The following KPNA3 variants were observed in gnomAD, a reference collection of about 807,000 sequenced individuals.
The protein encoded by KPNA3 is karyopherin subunit alpha 3, also known as importin subunit alpha-4.
In KPNA3, 13 loss-of-function variants were observed where a neutral mutation model predicts 73.8. That is an observed-to-expected ratio of 0.18 (90% CI 0.11 to 0.28). The LOEUF (loss-of-function observed/expected upper bound fraction) is 0.28. Among genes scored for constraint, KPNA3 ranks in the 10% least tolerant of loss-of-function variants. The probability of loss-of-function intolerance (pLI) is 1.00; values close to 1 mark genes in which losing one functional copy is unlikely to be tolerated. For missense variants in KPNA3, 360 were observed against 618.1 expected, an observed-to-expected ratio of 0.58 and a Z score of 4.43; for synonymous variants, 186 against 206.9, an observed-to-expected ratio of 0.90 and a Z score of 0.87.
At position 49,792,541 on chromosome 13, in the gene KPNA3, G is replaced by GGTT. The variant is rs768652149; in HGVS notation, c.-36_-35insAAC. The GGTT allele has an allele frequency of 1.5e-5, 23 of 1,512,390 alleles. No homozygotes were observed. In the East Asian group the frequency reaches 6.2e-4, roughly 41 times the overall value. The allele number at this position is 1,512,390 out of a possible 1,614,324, so 93.7% of individuals were successfully genotyped here. On this transcript the variant is annotated 5_prime_UTR_variant, in exon 1 of 17. Coordinates refer to ENST00000261667, the MANE Select transcript of KPNA3 (RefSeq NM_002267.4). ...CGGCTCCGGCGGCGGCTACTCCTGC[G>GGTT]GCTGCGGCGGCGGCGGCGGCGAATC...
rs753868502 is a variant in KPNA3, at chr13:49,746,998, A to G, written c.70-5T>C. The G allele has an allele frequency of 1.2e-6, 2 of 1,604,588 alleles. No individual in the cohort carries two copies. Among genetic ancestry groups the G allele is most frequent in the Admixed American group, 1.7e-5 (1 of 59,946 alleles). On this transcript the variant is annotated splice_region_variant and splice_polypyrimidine_tract_variant and intron_variant, in intron 1 of 16. Transcript: ENST00000261667. ...ATTTCTATGTCTTCGCATTGTCTAG[A>G]AAAGAAAAACAAAGATTACAGATGT...
intron 1 of KPNA3, among the ~76,000 whole-genome samples, chr13:49,784,365 G>A (rs1177518570): frequency 6.6e-6 from 1 of 152,124 alleles, no homozygotes. Context: ...AGTCTATTAG[G>A]CTAAATATGA....
intron 1 of KPNA3, among the ~76,000 whole-genome samples, chr13:49,757,131 G>A (rs1363272357): frequency 6.6e-6 from 1 of 152,074 alleles, no homozygotes; most frequent in African/African-American, 2.4e-5. Flanking sequence ...TAGGCAAAGA[G>A]TTCTTAAACT....
At chr13:49,743,714 A>C (rs895451266) in intron 2 of KPNA3, among the ~76,000 whole-genome samples, 16 of 152,124 alleles carry the variant, frequency 1.1e-4, no homozygotes, top group African/African-American at 2.7e-4. Context: ...CAAGTAACCA[A>C]ATATAATATA....
In KPNA3 at chr13:49,722,648, C is replaced by G. The variant is rs1282941702; in HGVS notation, c.470-85G>C. The G allele has an allele frequency of 1.2e-5, 9 of 781,586 alleles. No individual in the cohort carries two copies. The Middle Eastern group carries it at 7.3e-4, about 64-fold the overall frequency. 48.4% of individuals were successfully genotyped at this position (781,586 alleles called of 1,614,324 possible). On this transcript the variant is annotated intron_variant, in intron 7 of 16. Coordinates refer to ENST00000261667, the MANE Select transcript of KPNA3 (RefSeq NM_002267.4). ...AGATCAAAGAAATTGATCAAATACA[C>G]AGCCTGGCATATTGTAGCTGGAAGA... is the stretch of plus-strand genomic sequence containing the variant.
chr13:49,707,466 G>A (rs1219245229), intron 12 of KPNA3, among the ~76,000 whole-genome samples: 2 of 151,992 alleles, frequency 1.3e-5, no homozygotes, highest in East Asian at 3.8e-4. Flanking sequence ...CTACTTCCAG[G>A]GTCCTATGAT....
chr13:49,778,809 T>G (rs1007510933), intron 1 of KPNA3, among the ~76,000 whole-genome samples: 64 of 152,302 alleles, frequency 4.2e-4, no homozygotes, highest in Non-Finnish European at 7.1e-4. Flanking sequence ...GGTCTCACTG[T>G]ATTGCCTAGG....
intron 12 of KPNA3, among the ~76,000 whole-genome samples, chr13:49,708,919 T>C (rs1012576416): frequency 7.2e-5 from 11 of 152,176 alleles, no homozygotes; most frequent in African/African-American, 2.7e-4. Flanking sequence ...TGCTGGGAGA[T>C]CAAAATTTTT....
chr13:49,744,158 C>T (rs1465082831), intron 2 of KPNA3, among the ~76,000 whole-genome samples: 5 of 152,140 alleles, frequency 3.3e-5, no homozygotes, highest in Non-Finnish European at 7.4e-5. Flanking sequence ...TACAAATATT[C>T]ATCAAGCTGG....
chr13:49,782,870 A>G, intron 1 of KPNA3, among the ~76,000 whole-genome samples: 1 of 152,126 alleles, frequency 6.6e-6, no homozygotes, highest in East Asian at 1.9e-4. Flanking sequence ...TCAAAGAAAA[A>G]AAAAAAGCTA....
At chr13:49,732,520 AAAT>A (rs1304749469) in intron 5 of KPNA3, 54 bp from the exon 6 acceptor site, 1 of 1,457,458 alleles carries the variant, frequency 6.9e-7, no homozygotes, top group African/African-American at 1.4e-5. Context: ...CTGTGAAAAG[AAAT>A]AACAACATAT....
intron 1 of KPNA3, among the ~76,000 whole-genome samples, chr13:49,777,753 C>G (rs956335819): frequency 9.2e-5 from 14 of 151,932 alleles, no homozygotes; most frequent in African/African-American, 3.4e-4. Context: ...TCAAGCAGTC[C>G]TCCCACCTAG....
At chr13:49,791,194 A>G (rs1944413038) in intron 1 of KPNA3, among the ~76,000 whole-genome samples, 1 of 152,248 alleles carries the variant, frequency 6.6e-6, no homozygotes. Context: ...AAAATAGAAC[A>G]CTGAATGGTA....
At chr13:49,717,711 G>T (rs554458985) in intron 10 of KPNA3, among the ~76,000 whole-genome samples, 7 of 152,168 alleles carry the variant, frequency 4.6e-5, no homozygotes, top group Non-Finnish European at 1.0e-4. Context: ...CAAGAATTTT[G>T]TAAGAATTAA....
intron 11 of KPNA3, among the ~76,000 whole-genome samples, 162 bp downstream of exon 11, chr13:49,710,729 G>C (rs985225150): frequency 6.6e-6 from 1 of 152,162 alleles, no homozygotes; most frequent in Non-Finnish European, 1.5e-5. Context: ...AAAGAAACTG[G>C]GTGAGATAAA....
chr13:49,768,491 T>A (rs1363850859), intron 1 of KPNA3, among the ~76,000 whole-genome samples: 1 of 151,972 alleles, frequency 6.6e-6, no homozygotes, highest in Admixed American at 6.6e-5. Flanking sequence ...CATTTCATTA[T>A]GGTATTTTTG....
intron 1 of KPNA3, among the ~76,000 whole-genome samples, chr13:49,749,592 G>C (rs1258830470): frequency 1.3e-5 from 2 of 152,104 alleles, no homozygotes; most frequent in Non-Finnish European, 2.9e-5. Flanking sequence ...GCTTAGGGTT[G>C]AAGTTTTCTT....
At chr13:49,705,511 T>C in intron 15 of KPNA3, 110 bp downstream of exon 15, 1 of 1,125,736 alleles carries the variant, frequency 8.9e-7, no homozygotes. Flanking sequence ...ACTGTGATCA[T>C]TTAAAAACAA....
chr13:49,706,042 G>C (rs540195144), intron 14 of KPNA3, 56 bp downstream of exon 14: 3 of 1,450,324 alleles, frequency 2.1e-6, no homozygotes, highest in African/African-American at 2.8e-5. Context: ...AAACATAAGA[G>C]AGCAGCATGC....
Sources: gnomAD v4.1 joint callset for allele counts (sites outside exome capture counted in the v4.1 genomes callset) on GRCh38, gnomAD v4.1.1 for gene constraint, MANE v1.5 for transcripts, NCBI Gene and HGNC (gene_info 2026-07-23, HGNC 2026-07-21) for gene names.